GABRG3: variants seen among roughly 807,000 people sequenced by gnomAD.
GABRG3 encodes the protein gamma-aminobutyric acid receptor subunit gamma-3.
A neutral mutation model predicts 48.8 loss-of-function variants in GABRG3; 25 were observed. The ratio of observed to expected loss-of-function variants is 0.51; its 90% CI spans 0.37 to 0.72. The LOEUF (loss-of-function observed/expected upper bound fraction) is 0.72, where lower values mean the gene tolerates loss of function less well. Among genes scored for constraint, GABRG3 ranks in the 30% least tolerant of loss-of-function variants. GABRG3 has a pLI of 0.00. For missense variants in GABRG3, 394 were observed against 577.9 expected (o/e 0.68, Z 3.26); for synonymous variants, 227 against 217.6 (o/e 1.04, Z -0.38).
intron 5 of GABRG3, among the ~76,000 whole-genome samples, chr15:27,415,837 C>T (rs1346680554): frequency 6.6e-6 from 1 of 151,330 alleles, no homozygotes; most frequent in African/African-American, 2.4e-5. Flanking sequence ...TCCTTTTGTC[C>T]TAAGCAAATA....
chr15:27,061,374 C>T (rs377131742), intron 3 of GABRG3, among the ~76,000 whole-genome samples: 1 of 152,014 alleles, frequency 6.6e-6, no homozygotes, highest in Admixed American at 6.6e-5. Context: ...GTTCTGAACG[C>T]TGGCCATCTG....
At chr15:27,018,167 A>G (rs1401850082) in intron 2 of GABRG3, among the ~76,000 whole-genome samples, 1 of 152,252 alleles carries the variant, frequency 6.6e-6, no homozygotes, top group Non-Finnish European at 1.5e-5. Flanking sequence ...AATGAGCCCC[A>G]TCAAATTTAA....
At chr15:27,520,380 A>G (rs1212495871) in intron 7 of GABRG3, among the ~76,000 whole-genome samples, 1 of 151,980 alleles carries the variant, frequency 6.6e-6, no homozygotes, top group East Asian at 1.9e-4. Context: ...CCTGTATCAC[A>G]GGCTGATATG....
intron 3 of GABRG3, among the ~76,000 whole-genome samples, chr15:27,283,114 C>T (rs1287783803): frequency 2.6e-5 from 4 of 152,212 alleles, no homozygotes; most frequent in Admixed American, 1.3e-4. Context: ...CCCCAACCCA[C>T]GTCATCCTCT....
chr15:27,225,469 T>C (rs529736737), intron 3 of GABRG3, among the ~76,000 whole-genome samples: 1 of 152,130 alleles, frequency 6.6e-6, no homozygotes, highest in Non-Finnish European at 1.5e-5. Flanking sequence ...CGATTTTACT[T>C]ATAAAGTCGG....
intron 1 of GABRG3, among the ~76,000 whole-genome samples, chr15:26,973,924 A>T (rs778962251): frequency 2.0e-5 from 3 of 152,220 alleles, no homozygotes; most frequent in Non-Finnish European, 4.4e-5. Context: ...AGTGCTCATA[A>T]AGATTATATA....
At position 26,975,173 on chromosome 15, in the gene GABRG3, G is replaced by A. The variant is rs1464342142; in HGVS notation, c.54-1829G>A. On this transcript the variant is annotated intron_variant, in intron 1 of 9. Transcript: ENST00000615808. The surrounding 1 kb of genome is among the most constrained non-coding windows in gnomAD (Gnocchi z 4.6). ...ATTACAGGCGTGAACAACCATGCCC[G>A]GCCAGATGACATGAAATATTTTAGA... 2.6e-5 allele frequency among the ~76,000 whole-genome samples: 4 copies of A among 152,006 alleles called. No individual in the cohort carries two copies. The South Asian group carries it at 6.2e-4, about 24-fold the overall frequency.
chr15:27,409,503 A>C (rs1162899322), intron 5 of GABRG3, among the ~76,000 whole-genome samples: 1 of 152,184 alleles, frequency 6.6e-6, no homozygotes, highest in Non-Finnish European at 1.5e-5. Context: ...TAGCTATATA[A>C]TTAATCTTAA....
At chr15:27,159,204 G>A (rs967089794) in intron 3 of GABRG3, among the ~76,000 whole-genome samples, 1 of 152,028 alleles carries the variant, frequency 6.6e-6, no homozygotes, top group East Asian at 1.9e-4. Context: ...AATACAGGCC[G>A]GGCATGGTGG....
At chr15:27,505,581 A>T (rs1890741569) in intron 6 of GABRG3, among the ~76,000 whole-genome samples, 1 of 152,268 alleles carries the variant, frequency 6.6e-6, no homozygotes, top group African/African-American at 2.4e-5. Context: ...TTAGTGTGTT[A>T]ATATGTTGAG....
chr15:27,361,202 T>C (rs1895012810), intron 5 of GABRG3, among the ~76,000 whole-genome samples: 2 of 152,178 alleles, frequency 1.3e-5, no homozygotes, highest in African/African-American at 4.8e-5. Flanking sequence ...GGAGTGTGTC[T>C]TTGTGGCACT....
intron 5 of GABRG3, among the ~76,000 whole-genome samples, chr15:27,398,666 G>GCACACACACACA (rs111910385): frequency 9.3e-4 from 137 of 147,302 alleles, no homozygotes; most frequent in African/African-American, 3.3e-3. Context: ...ACAAGCGCGC[G>GCACACACACACA]CACACACACA....
In GABRG3 at chr15:27,352,425, A is replaced by G. The variant is rs1398938176; in HGVS notation, c.574+23537A>G. On this transcript the variant is annotated intron_variant, in intron 5 of 9. Transcript: ENST00000615808. This position sits in a 1 kb window ranked among gnomAD's most constrained non-coding sequence, Gnocchi z 4.0. ...TTAGAAAAATAACCCAGGAAATCCCACAAGATGTAAATCCAGGGTGAGCCA... is the reference window on the plus strand; with the variant it reads ...TTAGAAAAATAACCCAGGAAATCCCGCAAGATGTAAATCCAGGGTGAGCCA... Among the ~76,000 whole-genome samples, 1 of 151,992 alleles carries G rather than the reference A, an allele frequency of 6.6e-6. No individual in the cohort carries two copies. The highest frequency in any genetic ancestry group is 1.5e-5 in the Non-Finnish European group (1 of 68,012).
chr15:27,113,746 A>G (rs1394347135), intron 3 of GABRG3, among the ~76,000 whole-genome samples: 3 of 152,054 alleles, frequency 2.0e-5, no homozygotes, highest in Non-Finnish European at 4.4e-5. Flanking sequence ...GACCTAGAAC[A>G]TAGTCTCCTA....
intron 3 of GABRG3, among the ~76,000 whole-genome samples, chr15:27,160,214 A>C (rs1382388750): frequency 1.3e-5 from 2 of 152,006 alleles, no homozygotes; most frequent in African/African-American, 4.8e-5. Flanking sequence ...GTAGAAAATA[A>C]TTTCCCCTGA....
At chr15:27,499,648 C>A (rs762547151) in intron 6 of GABRG3, among the ~76,000 whole-genome samples, 16 of 152,228 alleles carry the variant, frequency 1.1e-4, no homozygotes, top group Non-Finnish European at 2.2e-4. Flanking sequence ...CAATACAAAT[C>A]ATAAATTTCA....
At chr15:26,972,158 C>T (rs1404800153) in intron 1 of GABRG3, among the ~76,000 whole-genome samples, 2 of 152,166 alleles carry the variant, frequency 1.3e-5, no homozygotes, top group African/African-American at 4.8e-5. Flanking sequence ...CACACACACA[C>T]ACCTTCCACA....
At chr15:27,129,284 A>G (rs1005024417) in intron 3 of GABRG3, among the ~76,000 whole-genome samples, 10 of 152,182 alleles carry the variant, frequency 6.6e-5, no homozygotes, top group African/African-American at 2.4e-4. Context: ...TACTCAAGGT[A>G]CTTTATATAG....
chr15:27,480,924 A>C, intron 6 of GABRG3, 137 bp downstream of exon 6: 1 of 1,426,128 alleles, frequency 7.0e-7, no homozygotes, highest in Non-Finnish European at 9.2e-7. Flanking sequence ...AAGTGATTCA[A>C]AGTGAAACTA....
Sources: allele counts gnomAD v4.1 joint callset (sites outside exome capture counted in the v4.1 genomes callset), GRCh38; gene constraint gnomAD v4.1.1; non-coding constraint Gnocchi (gnomAD v3.1); transcripts MANE v1.5; gene names NCBI Gene and HGNC (gene_info 2026-07-23, HGNC 2026-07-21).